AP2A2: variants seen among roughly 807,000 people sequenced by gnomAD.
AP2A2 encodes adaptor related protein complex 2 subunit alpha 2.
A neutral mutation model predicts 104.2 loss-of-function variants in AP2A2; 32 were observed. The observed-to-expected ratio is 0.31, with a 90% CI of 0.23 to 0.41. AP2A2 has a LOEUF of 0.41. Ranked by LOEUF, AP2A2 falls within the 10% of genes least tolerant of loss-of-function variation. AP2A2 has a pLI of 1.00. For synonymous variants in AP2A2, 539 were observed against 533.3 expected (o/e 1.01, Z -0.15); for missense variants, 912 against 1,261.0 (o/e 0.72, Z 4.19).
At chr11:998,798 G>GCCTCCAA (rs1855938796) in intron 14 of AP2A2, among the ~76,000 whole-genome samples, 2 of 152,122 alleles carry the variant, frequency 1.3e-5, no homozygotes, top group Non-Finnish European at 2.9e-5. Flanking sequence ...CCTGGTTTCA[G>GCCTCCAA]TTCTCCTGCC....
At chr11:935,383 T>C (rs1853419374) in intron 1 of AP2A2, among the ~76,000 whole-genome samples, 1 of 151,872 alleles carries the variant, frequency 6.6e-6, no homozygotes, top group Admixed American at 6.6e-5. Flanking sequence ...GGCCAGGCTA[T>C]TCTCAAACTC....
chr11:992,498 C>A lies in AP2A2; in HGVS notation c.1270-5C>A, dbSNP rs563489492. On this transcript the variant is annotated splice_region_variant and splice_polypyrimidine_tract_variant and intron_variant, in intron 10 of 21. Coordinates refer to ENST00000448903, the MANE Select transcript of AP2A2 (RefSeq NM_012305.4). This position sits in a 1 kb window ranked among gnomAD's most constrained non-coding sequence, Gnocchi z 6.4. Reference sequence around the variant, plus strand: ...TGCCGGCCCTCAGCAGCCTGTCCCCCACAGGTGCTGAAGGTCGCCATCCTG... The same window carrying A: ...TGCCGGCCCTCAGCAGCCTGTCCCCAACAGGTGCTGAAGGTCGCCATCCTG... 1.0e-4 allele frequency: 163 copies of A among 1,579,726 alleles called. No individual in the cohort carries two copies. The highest frequency in any genetic ancestry group is 1.3e-4 in the Non-Finnish European group (152 of 1,163,020).
rs1257788314 is a variant in AP2A2 at position 992,785 on chromosome 11, G to A, written c.1452+100G>A. The A allele has an allele frequency of 1.9e-5, 25 of 1,316,642 alleles. No homozygotes were observed. Among genetic ancestry groups the A allele is most frequent in the Admixed American group, 5.7e-5 (3 of 52,334 alleles). The allele number at this position is 1,316,642 out of a possible 1,614,324, so 81.6% of individuals were successfully genotyped here. A position where few individuals can be genotyped will look rare whatever the true frequency, so the allele number is the denominator to read the frequency against. On this transcript the variant is annotated intron_variant, in intron 11 of 21. Transcript: ENST00000448903. The surrounding 1 kb of genome is among the most constrained non-coding windows in gnomAD (Gnocchi z 6.4). ...TGCCTGCGTGGAGGTGCCGAGGGCCGTTGCTGACCCCTCTTGCCCCTCAGC... is the reference window on the plus strand; with the variant it reads ...TGCCTGCGTGGAGGTGCCGAGGGCCATTGCTGACCCCTCTTGCCCCTCAGC...
In AP2A2 at chr11:970,245, C is replaced by A. The variant is rs1276404477; in HGVS notation, c.213C>A (p.Asp71Glu). 1 of 1,614,018 alleles carries A rather than the reference C, an allele frequency of 6.2e-7. No individual in the cohort carries two copies. Among genetic ancestry groups the A allele is most frequent in the East Asian group, 2.2e-5 (1 of 44,884 alleles). Reference sequence around the variant, plus strand: ...TCTTCATCTTTCTCCTTGGTCATGACATTGACTTTGGACACATGGAGGCTG... The same window carrying A: ...TCTTCATCTTTCTCCTTGGTCATGAAATTGACTTTGGACACATGGAGGCTG... ...KLLFIFLLGH[D>E]IDFGHMEAVN... Residue 71 changes from aspartate (D) to glutamate (E), a missense_variant, in exon 3 of 22, where the codon GAC becomes GAA. Physicochemically the swap from Asp to Glu is conservative, Grantham distance 45 (BLOSUM62 2). Transcript: ENST00000448903.
In AP2A2 at chr11:1,010,896, A is replaced by G; in HGVS notation, c.*271A>G. ...AAAATCGAGACAGTTCTGTGGTTAA[A>G]TCTACAAATTAAAGGGAAATTAGAA... On this transcript the variant is annotated 3_prime_UTR_variant, in exon 22 of 22. Transcript: ENST00000448903. 1.5e-6 allele frequency: 1 copy of G among 657,594 alleles called. No homozygotes were observed. The highest frequency in any genetic ancestry group is 2.7e-6 in the Non-Finnish European group (1 of 365,950). 40.7% of individuals were successfully genotyped at this position (657,594 alleles called of 1,614,324 possible).
intron 1 of AP2A2, among the ~76,000 whole-genome samples, chr11:927,816 CAAAAA>C (rs35472837): frequency 5.8e-5 from 4 of 68,834 alleles, no homozygotes; most frequent in African/African-American, 2.5e-4. Flanking sequence ...ACCTTTCTCA[CAAAAA>C]AAAAAAAAAA....
Position 993,946 on chromosome 11 carries a change from G to A in AP2A2, c.1743G>A (p.Glu581=). The A allele has an allele frequency of 6.2e-7, 1 of 1,612,622 alleles. No homozygotes were observed. Among genetic ancestry groups the A allele is most frequent in the Non-Finnish European group, 8.5e-7 (1 of 1,179,798 alleles). Residue 581 remains glutamate, a synonymous_variant, in exon 13 of 22, where the codon GAG becomes GAA. Coordinates refer to ENST00000448903, the MANE Select transcript of AP2A2 (RefSeq NM_012305.4). This position sits in a 1 kb window ranked among gnomAD's most constrained non-coding sequence, Gnocchi z 8.2. ...ADVELQQRAV[E]YLRLSTVAST... Reference sequence around the variant, plus strand: ...TGGAGCTGCAGCAGCGTGCTGTGGAGTACCTGCGGCTCAGCACCGTGGCCA... The same window carrying A: ...TGGAGCTGCAGCAGCGTGCTGTGGAATACCTGCGGCTCAGCACCGTGGCCA...
Position 972,305 on chromosome 11 carries a change from T to C in AP2A2, c.473+50T>C, listed in dbSNP as rs770405935. ...TCCTGCTGAAGATGTGCTGCTTTCA[T>C]GCCAAATACATCAAATATGGAGCTG... On this transcript the variant is annotated intron_variant, in intron 4 of 21. Coordinates refer to ENST00000448903, the MANE Select transcript of AP2A2 (RefSeq NM_012305.4). The C allele has an allele frequency of 4.0e-6, 6 of 1,488,110 alleles. No individual in the cohort carries two copies. The East Asian group carries it at 1.4e-4, about 36-fold the overall frequency. The allele number at this position is 1,488,110 out of a possible 1,614,324, so 92.2% of individuals were successfully genotyped here.
intron 4 of AP2A2, among the ~76,000 whole-genome samples, chr11:974,666 G>GAAT (rs1182616777): frequency 8.9e-5 from 10 of 112,142 alleles, no homozygotes; most frequent in African/African-American, 3.5e-4. Flanking sequence ...CTGGGCAACA[G>GAAT]AATAAGACTC....
intron 2 of AP2A2, among the ~76,000 whole-genome samples, chr11:969,894 C>T (rs1854759398): frequency 6.6e-6 from 1 of 152,122 alleles, no homozygotes; most frequent in African/African-American, 2.4e-5. Flanking sequence ...CTGCACCTGC[C>T]CAGGGTTGTC....
rs994517660 is a variant in AP2A2, at chr11:976,979, C to T, written c.474-116C>T. On this transcript the variant is annotated intron_variant, in intron 4 of 21. Coordinates refer to ENST00000448903, the MANE Select transcript of AP2A2 (RefSeq NM_012305.4). Reference sequence around the variant, plus strand: ...CTCGGCAGGCGGCCCTGAGTGCTGTCTTGGCCCCTGCGCCAGCCCCACCCC... The same window carrying T: ...CTCGGCAGGCGGCCCTGAGTGCTGTTTTGGCCCCTGCGCCAGCCCCACCCC... 2.8e-6 allele frequency: 4 copies of T among 1,447,838 alleles called. No individual in the cohort carries two copies. In the African/African-American group the frequency reaches 5.6e-5, roughly 20 times the overall value. The allele number at this position is 1,447,838 out of a possible 1,614,324, so 89.7% of individuals were successfully genotyped here. A position where few individuals can be genotyped will look rare whatever the true frequency, so the allele number is the denominator to read the frequency against.
intron 1 of AP2A2, among the ~76,000 whole-genome samples, chr11:957,627 G>A (rs1359445790): frequency 1.3e-5 from 2 of 151,742 alleles, no homozygotes; most frequent in Non-Finnish European, 2.9e-5. Context: ...GCCAGGAACT[G>A]TAGATGAAAA....
At chr11:961,313 A>G (rs1366863550) in intron 2 of AP2A2, among the ~76,000 whole-genome samples, 11 of 148,050 alleles carry the variant, frequency 7.4e-5, no homozygotes, top group South Asian at 4.5e-4. Context: ...AGTAAAGGGC[A>G]GAAGCAGATG....
intron 1 of AP2A2, chr11:940,867 A>G: frequency 2.2e-6 from 1 of 456,200 alleles, no homozygotes; most frequent in South Asian, 1.5e-5. Flanking sequence ...GTTCTTCCAG[A>G]GGACTCTCGA....
intron 16 of AP2A2, 127 bp from the exon 17 acceptor site, chr11:1,006,401 C>G (rs1856206992): frequency 1.4e-6 from 1 of 698,818 alleles, no homozygotes; most frequent in African/African-American, 1.8e-5. Context: ...ATTTTAACAA[C>G]AGTCATACAT....
Position 993,872 on chromosome 11 carries a change from A to C in AP2A2, c.1669A>C (p.Thr557Pro). ...FVNLFPEVKP[T>P]IQDVLRSDSQ... ...GAACCTCTTCCCGGAGGTGAAGCCC[A>C]CCATCCAGGACGTGCTGCGCAGCGA... The change falls in exon 13 of 22, where the codon ACC (threonine) becomes CCC (proline). Residue 557 changes from threonine to proline, a missense_variant. Physicochemically the swap from Thr to Pro is conservative, Grantham distance 38 (BLOSUM62 -1). Coordinates refer to ENST00000448903, the MANE Select transcript of AP2A2 (RefSeq NM_012305.4). This position sits in a 1 kb window ranked among gnomAD's most constrained non-coding sequence, Gnocchi z 8.2. The C allele has an allele frequency of 1.9e-6, 3 of 1,610,138 alleles. No homozygotes were observed. Among genetic ancestry groups the C allele is most frequent in the Non-Finnish European group, 2.5e-6 (3 of 1,179,670 alleles).
At chr11:957,619 C>T (rs533176289) in intron 1 of AP2A2, among the ~76,000 whole-genome samples, 13 of 152,272 alleles carry the variant, frequency 8.5e-5, no homozygotes, top group African/African-American at 3.1e-4. Flanking sequence ...AGTTTTGAGC[C>T]AGGAACTGTA....
rs773221551 is a variant in AP2A2, at chr11:970,254, T to C, written c.222T>C (p.Phe74=). ...TTCTCCTTGGTCATGACATTGACTT[T>C]GGACACATGGAGGCTGTGAACCTGC... ...FIFLLGHDID[F]GHMEAVNLLS... The change falls in exon 3 of 22, where the codon TTT becomes TTC. Residue 74 remains phenylalanine (F), a synonymous_variant. Coordinates refer to ENST00000448903, the MANE Select transcript of AP2A2 (RefSeq NM_012305.4). The C allele has an allele frequency of 1.2e-6, 2 of 1,614,038 alleles. No homozygotes were observed. Among genetic ancestry groups the C allele is most frequent in the Admixed American group, 1.7e-5 (1 of 60,028 alleles).
intron 15 of AP2A2, among the ~76,000 whole-genome samples, chr11:1,002,869 T>C (rs1169004413): frequency 6.6e-6 from 1 of 152,180 alleles, no homozygotes; most frequent in Non-Finnish European, 1.5e-5. Context: ...ATTTGCTTCT[T>C]AGGCACTGGG....
Sources: allele counts gnomAD v4.1 joint callset (sites outside exome capture counted in the v4.1 genomes callset), GRCh38; gene constraint gnomAD v4.1.1; non-coding constraint Gnocchi (gnomAD v3.1); transcripts MANE v1.5; gene names NCBI Gene and HGNC (gene_info 2026-07-23, HGNC 2026-07-21).